IRF1: variants seen among roughly 807,000 people sequenced by gnomAD.
IRF1 encodes interferon regulatory factor 1, also known as interferon regulatory factor-1.
Under a neutral mutation model 43.7 loss-of-function variants are expected in IRF1, and 13 were observed. That is an observed-to-expected ratio of 0.30 (90% CI 0.19 to 0.47). IRF1 has a LOEUF of 0.47. Among genes scored for constraint, IRF1 ranks in the 20% least tolerant of loss-of-function variants. The pLI is 0.99. For missense variants in IRF1, 236 were observed against 408.9 expected (o/e 0.58, Z 3.65); for synonymous variants, 138 against 146.8 (o/e 0.94, Z 0.43).
rs1251359197 is a variant in IRF1, at chr5:132,482,181, T to C, written c.*1770A>G. On this transcript the variant is annotated 3_prime_UTR_variant, in exon 10 of 10. Coordinates refer to ENST00000245414, the MANE Select transcript of IRF1 (RefSeq NM_002198.3). ...GATTCTTGTGCTTCAGCCTCCACAG[T>C]AGCTGGGATTACAGGCGCCCGCCAC... 14 of 152,006 alleles carry C rather than the reference T, an allele frequency of 9.2e-5. No individual in the cohort carries two copies. Among genetic ancestry groups the C allele is most frequent in the Admixed American group, 5.2e-4 (8 of 15,272 alleles). 9.4% of individuals were successfully genotyped at this position (152,006 alleles called of 1,614,324 possible).
intron 3 of IRF1, chr5:132,487,392 A>C: frequency 4.1e-6 from 2 of 492,022 alleles, no homozygotes; most frequent in Non-Finnish European, 7.4e-6. Context: ...CATATCCCCA[A>C]AGTGTACTAT....
At chr5:132,484,755 T>C (rs913697225) in intron 8 of IRF1, 6 of 479,512 alleles carry the variant, frequency 1.3e-5, no homozygotes, top group African/African-American at 1.9e-5. Context: ...TCTCCACGAC[T>C]TCCCTCTCAA....
intron 2 of IRF1, chr5:132,488,850 G>A (rs546368276): frequency 2.9e-4 from 46 of 156,462 alleles, no homozygotes; most frequent in Non-Finnish European, 4.7e-4. Context: ...TACTTAGCAG[G>A]TGCCAGGCAC....
In IRF1 at chr5:132,487,119, C is replaced by G. The variant is rs137993322; in HGVS notation, c.199G>C (p.Ala67Pro). 113 of 1,614,110 alleles carry G rather than the reference C, an allele frequency of 7.0e-5. No individual in the cohort carries two copies. The African/African-American group carries it at 1.4e-3, about 20-fold the overall frequency. ...TTGGGATCTGGCTCCTTTTCCCCTG[C>G]TTTGTATCGGCCTAGAGGGCAGGAG... ...SWAIHTGRYK[A>P]GEKEPDPKTW... is the part of the protein sequence containing the mutation. Residue 67 changes from alanine (A) to proline (P), a missense_variant, in exon 4 of 10, where the codon GCA becomes CCA. By Grantham distance (27) the Ala-to-Pro change is conservative. Around this residue, in one of 2 missense-constraint regions of IRF1, gnomAD observed 66 missense variants for 157.1 expected, o/e 0.42. Coordinates refer to ENST00000245414, the MANE Select transcript of IRF1 (RefSeq NM_002198.3).
At chr5:132,485,521 C>T in intron 8 of IRF1, 146 bp downstream of exon 8, 1 of 760,842 alleles carries the variant, frequency 1.3e-6, no homozygotes, top group Non-Finnish European at 2.4e-6. Flanking sequence ...ACCAGTCAAG[C>T]CACGTGAATG....
chr5:132,485,461 G>A (rs2126837888), intron 8 of IRF1: 2 of 614,744 alleles, frequency 3.3e-6, no homozygotes, highest in Non-Finnish European at 6.0e-6. Context: ...AGGACGGCCT[G>A]TCAGAGGCCA....
intron 8 of IRF1, chr5:132,485,296 C>A: frequency 4.7e-6 from 1 of 212,322 alleles, no homozygotes; most frequent in Admixed American, 5.2e-5. Flanking sequence ...AAGCCATCAT[C>A]ATATTAACGG....
chr5:132,485,166 C>T (rs1212317502), intron 8 of IRF1: 1 of 156,832 alleles, frequency 6.4e-6, no homozygotes, highest in East Asian at 1.8e-4. Context: ...CCCACCTTCG[C>T]CTTCCAAAGT....
intron 1 of IRF1, chr5:132,489,687 T>G: frequency 1.9e-6 from 1 of 519,956 alleles, no homozygotes; most frequent in Non-Finnish European, 3.5e-6. Context: ...CTTTTGCCCC[T>G]TCCTTCAGCC....
rs1754446905 is a variant in IRF1 at position 132,483,759 on chromosome 5, A to G, written c.*192T>C. On this transcript the variant is annotated 3_prime_UTR_variant, in exon 10 of 10. Coordinates refer to ENST00000245414, the MANE Select transcript of IRF1 (RefSeq NM_002198.3). The stretch of plus-strand genomic sequence containing the variant: ...GAGGCAGGGCCAGCTTTACACCACA[A>G]GAAAAACCCAGACACTGGCCTGCCA... The G allele has an allele frequency of 1.6e-6, 1 of 623,518 alleles. No homozygotes were observed. The highest frequency in any genetic ancestry group is 2.7e-6 in the Non-Finnish European group (1 of 368,170). 38.6% of individuals were successfully genotyped at this position (623,518 alleles called of 1,614,324 possible). A position where few individuals can be genotyped will look rare whatever the true frequency, so the allele number is the denominator to read the frequency against.
intron 2 of IRF1, 99 bp downstream of exon 2, chr5:132,489,293 C>T (rs1754636700): frequency 1.1e-6 from 1 of 926,910 alleles, no homozygotes; most frequent in Non-Finnish European, 1.8e-6. Context: ...CTGCTTGTCC[C>T]GTTATCACTT....
intron 3 of IRF1, chr5:132,487,517 G>T: frequency 2.9e-6 from 1 of 347,052 alleles, no homozygotes; most frequent in Non-Finnish European, 5.4e-6. Flanking sequence ...TGACTGTTCT[G>T]AGATGGGCCT....
At position 132,487,274 on chromosome 5, in the gene IRF1, G is replaced by T. The variant is rs1334008189; in HGVS notation, c.188-144C>A. 3.8e-6 allele frequency: 3 copies of T among 782,292 alleles called. No individual in the cohort carries two copies. In the African/African-American group the frequency reaches 5.1e-5, roughly 13 times the overall value. 48.5% of individuals were successfully genotyped at this position (782,292 alleles called of 1,614,324 possible). ...GTGGTCAAACCAGCAGGTACTCCCG[G>T]TGACACTCTGCAGGTCCTAGGCCCT... On this transcript the variant is annotated intron_variant, in intron 3 of 9. Coordinates refer to ENST00000245414, the MANE Select transcript of IRF1 (RefSeq NM_002198.3).
intron 8 of IRF1, 51 bp from the exon 9 acceptor site, chr5:132,484,548 C>A (rs765947399): frequency 6.2e-7 from 1 of 1,608,670 alleles, no homozygotes; most frequent in Non-Finnish European, 8.5e-7. Flanking sequence ...TGCAGACTCA[C>A]CCTGTGGCCC....
At chr5:132,485,606 G>T (rs757604645) in intron 8 of IRF1, 61 bp downstream of exon 8, 3 of 1,308,134 alleles carry the variant, frequency 2.3e-6, no homozygotes, top group South Asian at 1.2e-5. Context: ...AGCTTCACTG[G>T]TTCTCTCTCC....
intron 3 of IRF1, 73 bp from the exon 4 acceptor site, chr5:132,487,203 AG>A: frequency 6.8e-7 from 1 of 1,473,718 alleles, no homozygotes; most frequent in Non-Finnish European, 9.4e-7. Context: ...GGCCTGAAGG[AG>A]GAAGGCAAGG....
At chr5:132,484,742 G>A (rs1316888536) in intron 8 of IRF1, 2 of 505,816 alleles carry the variant, frequency 4.0e-6, no homozygotes, top group Non-Finnish European at 7.1e-6. Flanking sequence ...CTCTGGTATA[G>A]CATCTCCACG....
At position 132,487,319 on chromosome 5, in the gene IRF1, G is replaced by A. The variant is rs1037690054; in HGVS notation, c.188-189C>T. ...GGCCCTGGGCCTTCTCAAATGCCCA[G>A]GCTTGGCTTAAACACATCTAGCGGG... On this transcript the variant is annotated intron_variant, in intron 3 of 9. Coordinates refer to ENST00000245414, the MANE Select transcript of IRF1 (RefSeq NM_002198.3). 3.0e-5 allele frequency: 19 copies of A among 629,686 alleles called. No homozygotes were observed. In the South Asian group the frequency reaches 3.5e-4, roughly 12 times the overall value. The allele number at this position is 629,686 out of a possible 1,614,324, so 39.0% of individuals were successfully genotyped here. A position where few individuals can be genotyped will look rare whatever the true frequency, so the allele number is the denominator to read the frequency against.
chr5:132,487,611 C>T, intron 3 of IRF1: 1 of 419,050 alleles, frequency 2.4e-6, no homozygotes, highest in South Asian at 2.5e-5. Context: ...AAGAAAAAGG[C>T]AGACCTGGGT....
Sources: allele counts gnomAD v4.1 joint callset, GRCh38; gene constraint gnomAD v4.1.1; regional missense constraint gnomAD v4.1.1; transcripts MANE v1.5; gene names NCBI Gene and HGNC (gene_info 2026-07-23, HGNC 2026-07-21).